Variants in MACROD2 observed in about 807,000 individuals in gnomAD.
MACROD2 encodes mono-ADP ribosylhydrolase 2.
Under a neutral mutation model 70.4 loss-of-function variants are expected in MACROD2, and 36 were observed. That is an observed-to-expected ratio of 0.51 (90% CI 0.39 to 0.68). The LOEUF is 0.68. Among genes scored for constraint, MACROD2 ranks in the 30% least tolerant of loss-of-function variants. MACROD2 has a pLI of 0.00. For missense variants in MACROD2, 496 were observed against 538.4 expected (o/e 0.92, Z 0.78); for synonymous variants, 172 against 178.8 (o/e 0.96, Z 0.30).
At chr20:15,134,641 C>T (rs1456408482) in intron 5 of MACROD2, among the ~76,000 whole-genome samples, 2 of 151,930 alleles carry the variant, frequency 1.3e-5, no homozygotes, top group African/African-American at 4.8e-5. Context: ...AACACCCTAA[C>T]ATCACAATTA....
At chr20:14,003,716 C>A in intron 2 of MACROD2, 1 of 468,896 alleles carries the variant, frequency 2.1e-6, no homozygotes, top group Admixed American at 2.4e-5. Context: ...GTCTCCTTGG[C>A]AGCTGTATTC....
chr20:15,325,623 GGT>G (rs1568723116), intron 6 of MACROD2, among the ~76,000 whole-genome samples: 1 of 152,070 alleles, frequency 6.6e-6, no homozygotes, highest in African/African-American at 2.4e-5. Flanking sequence ...GGAGAGAGGA[GGT>G]GTTTGTTCCA....
chr20:14,835,302 A>C (rs2073017395), intron 5 of MACROD2, among the ~76,000 whole-genome samples: 1 of 152,110 alleles, frequency 6.6e-6, no homozygotes, highest in South Asian at 2.1e-4. Context: ...AGTTCTATTT[A>C]GAAATGAAAG....
intron 5 of MACROD2, among the ~76,000 whole-genome samples, chr20:15,191,703 C>T (rs1181704995): frequency 1.5e-4 from 23 of 152,184 alleles, no homozygotes; most frequent in Admixed American, 1.4e-3. Context: ...TATTTTCTGT[C>T]GGCTATGAAA....
intron 2 of MACROD2, among the ~76,000 whole-genome samples, chr20:14,002,802 A>G (rs1339295872): frequency 1.3e-5 from 2 of 152,144 alleles, no homozygotes; most frequent in Non-Finnish European, 2.9e-5. Flanking sequence ...AAGAGAGAGT[A>G]TATTAGGAAA....
At chr20:15,161,965 G>GA (rs763840431) in intron 5 of MACROD2, among the ~76,000 whole-genome samples, 39 of 152,142 alleles carry the variant, frequency 2.6e-4, no homozygotes, top group Admixed American at 1.8e-3. Context: ...TTGATAAGAT[G>GA]AAAATCAATC....
intron 5 of MACROD2, among the ~76,000 whole-genome samples, chr20:14,864,735 C>G (rs2073409551): frequency 6.6e-6 from 1 of 152,004 alleles, no homozygotes; most frequent in African/African-American, 2.4e-5. Flanking sequence ...AGCAGTGGCT[C>G]TGAAGGTTAC....
At chr20:15,294,983 C>A (rs1380303643) in intron 6 of MACROD2, among the ~76,000 whole-genome samples, 1 of 152,168 alleles carries the variant, frequency 6.6e-6, no homozygotes, top group African/African-American at 2.4e-5. Context: ...TTGGCTGTGT[C>A]CCCACTGAAA....
intron 8 of MACROD2, among the ~76,000 whole-genome samples, chr20:15,540,480 C>T (rs1327857359): frequency 1.3e-5 from 2 of 152,158 alleles, no homozygotes; most frequent in African/African-American, 4.8e-5. Context: ...ATACTGAACA[C>T]TGAACCAAGG....
intron 6 of MACROD2, among the ~76,000 whole-genome samples, chr20:15,420,621 C>T (rs1180592006): frequency 6.6e-6 from 1 of 152,052 alleles, no homozygotes; most frequent in African/African-American, 2.4e-5. Flanking sequence ...GAATTATTGA[C>T]TATTCTCCAC....
intron 13 of MACROD2, among the ~76,000 whole-genome samples, chr20:15,972,182 T>G (rs1269313943): frequency 1.3e-5 from 2 of 150,618 alleles, no homozygotes; most frequent in Non-Finnish European, 2.9e-5. Flanking sequence ...GAAAACAGAA[T>G]AAGTGACTGA....
rs1224235067 is a variant in MACROD2, at chr20:15,234,015, T to A, written c.540+3954T>A. ...TATATATATATATATATATATTCTTTTTTTTTTTTTTTTTTTTTTTTTTTT... is the reference window on the plus strand; with the variant it reads ...TATATATATATATATATATATTCTTATTTTTTTTTTTTTTTTTTTTTTTTT... On this transcript the variant is annotated intron_variant, in intron 6 of 17. Coordinates refer to ENST00000684519, the MANE Select transcript of MACROD2 (RefSeq NM_001351661.2). 8.2e-3 allele frequency among the ~76,000 whole-genome samples: 78 copies of A among 9,486 alleles called. 1 individual carries two copies. The highest frequency in any genetic ancestry group is 0.011 in the African/African-American group (28 of 2,664). The allele number at this position is 9,486 out of a possible 152,430, so 6.2% of individuals were successfully genotyped here.
intron 8 of MACROD2, among the ~76,000 whole-genome samples, chr20:15,841,006 C>G (rs1349764174): frequency 1.3e-5 from 2 of 152,120 alleles, no homozygotes; most frequent in Non-Finnish European, 2.9e-5. Flanking sequence ...CATAGCAAAA[C>G]CTCAAAGTTG....
chr20:14,034,733 C>T (rs976728366), intron 2 of MACROD2, among the ~76,000 whole-genome samples: 4 of 152,172 alleles, frequency 2.6e-5, no homozygotes, highest in African/African-American at 4.8e-5. Flanking sequence ...ATGGGCTAGG[C>T]ACTGTTCTAA....
At chr20:14,047,061 G>C (rs575041455) in intron 2 of MACROD2, among the ~76,000 whole-genome samples, 5 of 152,030 alleles carry the variant, frequency 3.3e-5, no homozygotes, top group Non-Finnish European at 7.4e-5. Flanking sequence ...TTACAGATGA[G>C]TATATAATGT....
At chr20:15,442,165 A>G (rs6043281) in intron 7 of MACROD2, among the ~76,000 whole-genome samples, 1,880 of 152,310 alleles carry the variant, frequency 0.012, 35 homozygotes, top group African/African-American at 0.042. Flanking sequence ...AACTTCAAAA[A>G]TAATTTGACA....
intron 4 of MACROD2, among the ~76,000 whole-genome samples, chr20:14,567,776 G>A (rs1214905472): frequency 6.6e-6 from 1 of 151,976 alleles, no homozygotes; most frequent in Non-Finnish European, 1.5e-5. Context: ...GGATGGAAAA[G>A]GGAGTATTCA....
intron 5 of MACROD2, among the ~76,000 whole-genome samples, chr20:15,137,102 C>T (rs1164402511): frequency 6.8e-6 from 1 of 147,248 alleles, no homozygotes. Flanking sequence ...CACTTTTACA[C>T]TGTTGGTGGG....
At chr20:14,878,935 T>G (rs955923759) in intron 5 of MACROD2, among the ~76,000 whole-genome samples, 3 of 152,114 alleles carry the variant, frequency 2.0e-5, no homozygotes, top group African/African-American at 4.8e-5. Flanking sequence ...ACCTATTCTT[T>G]CCATCTTTAA....
Sources: allele counts gnomAD v4.1 joint callset (sites outside exome capture counted in the v4.1 genomes callset), GRCh38; gene constraint gnomAD v4.1.1; transcripts MANE v1.5; gene names NCBI Gene and HGNC (gene_info 2026-07-23, HGNC 2026-07-21).